ABCD3: variants seen among roughly 807,000 people sequenced by gnomAD.
ABCD3 encodes ATP binding cassette subfamily D member 3.
Under a neutral mutation model 105.5 loss-of-function variants are expected in ABCD3, and 41 were observed. That is an observed-to-expected ratio of 0.39 (90% CI 0.30 to 0.50). ABCD3 has a LOEUF of 0.50. Among genes scored for constraint, ABCD3 ranks in the 20% least tolerant of loss-of-function variants. ABCD3 has a pLI of 0.84. For missense variants in ABCD3, 622 were observed against 806.3 expected (o/e 0.77, Z 2.77); for synonymous variants, 258 against 269.0 (o/e 0.96, Z 0.40).
At chr1:94,385,800 T>A in the ABCD3 span, among the ~76,000 whole-genome samples, 1 of 152,140 alleles carries the variant, frequency 6.6e-6, no homozygotes, top group African/African-American at 2.4e-5. Context: ...ACTAAAGACA[T>A]CAATTCTCAT....
intron 3 of ABCD3, among the ~76,000 whole-genome samples, chr1:94,466,381 T>G (rs1194534245): frequency 6.6e-6 from 1 of 152,198 alleles, no homozygotes; most frequent in East Asian, 1.9e-4. Flanking sequence ...TTAATTGGTC[T>G]TTTTGCTTCT....
chr1:94,438,402 G>C (rs1391610538), intron 1 of ABCD3, among the ~76,000 whole-genome samples: 1 of 151,636 alleles, frequency 6.6e-6, no homozygotes, highest in Non-Finnish European at 1.5e-5. Context: ...GATTTCTTCA[G>C]ATAGAATCTA....
intron 2 of ABCD3, among the ~76,000 whole-genome samples, chr1:94,464,513 G>C (rs1033444032): frequency 6.6e-6 from 1 of 151,798 alleles, no homozygotes; most frequent in Non-Finnish European, 1.5e-5. Flanking sequence ...TTTTGCAGTT[G>C]CTATTTCTTC....
chr1:94,456,944 A>G (rs1401608458), intron 1 of ABCD3, among the ~76,000 whole-genome samples: 6 of 152,164 alleles, frequency 3.9e-5, no homozygotes, highest in Admixed American at 3.3e-4. Flanking sequence ...TAGTCATCCT[A>G]AGAAGTATGA....
intron 20 of ABCD3, among the ~76,000 whole-genome samples, chr1:94,504,825 A>C (rs1201426921): frequency 6.6e-6 from 1 of 152,218 alleles, no homozygotes; most frequent in South Asian, 2.1e-4. Flanking sequence ...CTTGTAGTCT[A>C]TCCAGACAGG....
chr1:94,487,261 G>A (rs1649318917), intron 10 of ABCD3, among the ~76,000 whole-genome samples: 1 of 152,146 alleles, frequency 6.6e-6, no homozygotes, highest in Admixed American at 6.6e-5. Flanking sequence ...ATAGCATTGT[G>A]CTATTGCATG....
At chr1:94,421,211 G>A (rs1323778468) in intron 1 of ABCD3, among the ~76,000 whole-genome samples, 2 of 152,054 alleles carry the variant, frequency 1.3e-5, no homozygotes, top group Non-Finnish European at 2.9e-5. Flanking sequence ...CAACCTGCCT[G>A]TCACCCCTTA....
intron 21 of ABCD3, among the ~76,000 whole-genome samples, chr1:94,508,707 C>T: frequency 6.6e-6 from 1 of 151,656 alleles, no homozygotes; most frequent in Non-Finnish European, 1.5e-5. Flanking sequence ...AGGTCCTTCA[C>T]ATCCCTTGTA....
intron 3 of ABCD3, among the ~76,000 whole-genome samples, chr1:94,466,587 C>T (rs1013675998): frequency 6.6e-6 from 1 of 152,236 alleles, no homozygotes; most frequent in East Asian, 1.9e-4. Context: ...ACATCCTGTA[C>T]GTCCCCACAA....
At chr1:94,506,431 A>T (rs1185860639) in intron 20 of ABCD3, 107 bp from the exon 21 acceptor site, 2 of 690,810 alleles carry the variant, frequency 2.9e-6, no homozygotes, top group Non-Finnish European at 5.2e-6. Flanking sequence ...TAATTTTTAT[A>T]CTTTTGATTT....
intron 1 of ABCD3, among the ~76,000 whole-genome samples, chr1:94,431,103 T>C (rs888975751): frequency 5.3e-5 from 8 of 152,372 alleles, no homozygotes; most frequent in Non-Finnish European, 8.8e-5. Context: ...TGCATACTTT[T>C]ATCTTGCCTA....
intron 22 of ABCD3, 125 bp downstream of exon 22, chr1:94,515,327 G>A (rs945007821): frequency 1.1e-5 from 9 of 787,506 alleles, no homozygotes; most frequent in African/African-American, 1.1e-4. Flanking sequence ...AGGAGAAAAG[G>A]TGGTTTTGTT....
At chr1:94,438,355 G>A (rs1659997019) in intron 1 of ABCD3, among the ~76,000 whole-genome samples, 2 of 143,006 alleles carry the variant, frequency 1.4e-5, no homozygotes, top group Non-Finnish European at 3.1e-5. Context: ...AACTTGAAAG[G>A]ATGAAGAGTT....
chr1:94,405,572 G>C, the ABCD3 span, among the ~76,000 whole-genome samples: 1 of 152,124 alleles, frequency 6.6e-6, no homozygotes, highest in Non-Finnish European at 1.5e-5. Flanking sequence ...CCAAAGTACT[G>C]GGATTACAGG....
chr1:94,412,155 G>A, the ABCD3 span, among the ~76,000 whole-genome samples: 442 of 152,192 alleles, frequency 2.9e-3, 3 homozygotes, highest in African/African-American at 9.8e-3. Flanking sequence ...TCATGTGAAC[G>A]TCACCTCATT....
chr1:94,428,139 A>G (rs1238435805), intron 1 of ABCD3, among the ~76,000 whole-genome samples: 1 of 151,634 alleles, frequency 6.6e-6, no homozygotes, highest in Non-Finnish European at 1.5e-5. Context: ...TTTTTTAAAC[A>G]CACCTTTCTT....
intron 20 of ABCD3, among the ~76,000 whole-genome samples, chr1:94,503,454 G>T (rs1313393534): frequency 6.6e-6 from 1 of 152,100 alleles, no homozygotes; most frequent in South Asian, 2.1e-4. Context: ...TGTTTATGGA[G>T]CCTCTGTCTT....
chr1:94,424,323 C>T (rs929482709), intron 1 of ABCD3, among the ~76,000 whole-genome samples: 5 of 152,106 alleles, frequency 3.3e-5, no homozygotes, highest in African/African-American at 1.2e-4. Flanking sequence ...GCCTGAAGTG[C>T]TCTTTCCTCA....
chr1:94,480,975 T>G (rs867046411), intron 9 of ABCD3, among the ~76,000 whole-genome samples: 13 of 152,350 alleles, frequency 8.5e-5, no homozygotes, highest in Middle Eastern at 3.4e-3. Context: ...TAATGCTCAA[T>G]GATTCACTGT....
Sources: allele counts gnomAD v4.1 joint callset (sites outside exome capture counted in the v4.1 genomes callset), GRCh38; gene constraint gnomAD v4.1.1; transcripts MANE v1.5; gene names NCBI Gene and HGNC (gene_info 2026-07-23, HGNC 2026-07-21).